PDE1A: variants seen among roughly 807,000 people sequenced by gnomAD.
The protein encoded by PDE1A is phosphodiesterase 1A, also known as dual specificity calcium/calmodulin-dependent 3',5'-cyclic nucleotide phosphodiesterase 1A.
In PDE1A, 35 loss-of-function variants were observed where a neutral mutation model predicts 61.7. The ratio of observed to expected loss-of-function variants is 0.57; its 90% CI spans 0.43 to 0.75. PDE1A has a LOEUF of 0.75. Ranked by LOEUF, PDE1A falls within the 30% of genes least tolerant of loss-of-function variation. The pLI is 0.00. For synonymous variants in PDE1A, 232 were observed against 213.2 expected (o/e 1.09, Z -0.77); for missense variants, 597 against 630.6 (o/e 0.95, Z 0.57).
At chr2:182,448,050 C>T (rs1051872666) in intron 2 of PDE1A, among the ~76,000 whole-genome samples, 1 of 151,922 alleles carries the variant, frequency 6.6e-6, no homozygotes. Flanking sequence ...TTTCCCACAT[C>T]CCAGTCATGC....
the PDE1A span, among the ~76,000 whole-genome samples, chr2:182,673,732 C>T: frequency 1.3e-5 from 2 of 151,552 alleles, no homozygotes; most frequent in African/African-American, 4.8e-5. Context: ...AAATATGTTG[C>T]TTATTCAACC....
chr2:182,246,548 C>G (rs995294407), intron 2 of PDE1A, among the ~76,000 whole-genome samples: 1 of 151,604 alleles, frequency 6.6e-6, no homozygotes, highest in Non-Finnish European at 1.5e-5. Flanking sequence ...GGATTACAGG[C>G]GTGCCACCAC....
the PDE1A span, among the ~76,000 whole-genome samples, chr2:182,533,253 G>C: frequency 0.71 from 107,255 of 151,340 alleles, 41,144 homozygotes; most frequent in East Asian, 0.99. Flanking sequence ...GGAGAGCGCA[G>C]TGAGCCAAGA....
the PDE1A span, among the ~76,000 whole-genome samples, chr2:182,582,326 G>T: frequency 2.0e-5 from 3 of 152,288 alleles, no homozygotes; most frequent in East Asian, 5.8e-4. Flanking sequence ...TTAGCAAAAA[G>T]CTTTTGAATG....
intron 13 of PDE1A, among the ~76,000 whole-genome samples, chr2:182,155,548 T>C (rs2125284044): frequency 6.6e-6 from 1 of 152,342 alleles, no homozygotes; most frequent in Non-Finnish European, 1.5e-5. Context: ...AGGAAATTGA[T>C]ATGGTTTGGC....
chr2:182,163,043 A>G (rs1691472652), downstream of PDE1A, among the ~76,000 whole-genome samples: 1 of 152,148 alleles, frequency 6.6e-6, no homozygotes, highest in Admixed American at 6.6e-5. Flanking sequence ...GCAACCATCA[A>G]GGACTTGACA....
chr2:182,343,041 T>A (rs1465878697), intron 1 of PDE1A, among the ~76,000 whole-genome samples: 1 of 152,224 alleles, frequency 6.6e-6, no homozygotes, highest in Non-Finnish European at 1.5e-5. Flanking sequence ...GCAACTATAA[T>A]TATGTTTTAT....
the PDE1A span, among the ~76,000 whole-genome samples, chr2:182,680,835 G>A: frequency 6.6e-6 from 1 of 152,218 alleles, no homozygotes. Context: ...TGCTCCTGCA[G>A]GGCAGGGCTA....
At chr2:182,390,762 T>C (rs539214582) in intron 1 of PDE1A, among the ~76,000 whole-genome samples, 2 of 152,320 alleles carry the variant, frequency 1.3e-5, no homozygotes, top group South Asian at 4.1e-4. Flanking sequence ...CAACTTGGAA[T>C]GGGGATGTGT....
At chr2:182,700,153 T>C in the PDE1A span, among the ~76,000 whole-genome samples, 1 of 152,210 alleles carries the variant, frequency 6.6e-6, no homozygotes, top group Non-Finnish European at 1.5e-5. Flanking sequence ...TAGGTCACAT[T>C]TCCCAAGAAT....
intron 2 of PDE1A, among the ~76,000 whole-genome samples, chr2:182,490,441 G>A (rs1025352796): frequency 2.0e-5 from 3 of 152,104 alleles, no homozygotes; most frequent in Non-Finnish European, 2.9e-5. Flanking sequence ...GCTGGACCTC[G>A]GCTCACTGCA....
At chr2:182,424,856 G>A (rs1227969109) in intron 1 of PDE1A, among the ~76,000 whole-genome samples, 1 of 152,144 alleles carries the variant, frequency 6.6e-6, no homozygotes, top group African/African-American at 2.4e-5. Context: ...ATCAGTCAAA[G>A]ACCCATTTCT....
the PDE1A span, among the ~76,000 whole-genome samples, chr2:182,593,415 G>C: frequency 6.6e-6 from 1 of 152,102 alleles, no homozygotes; most frequent in Non-Finnish European, 1.5e-5. Context: ...CAGAAAATTG[G>C]GAAGAGATTG....
At chr2:182,172,638 C>T (rs1287115110) in intron 13 of PDE1A, among the ~76,000 whole-genome samples, 1 of 151,818 alleles carries the variant, frequency 6.6e-6, no homozygotes, top group Non-Finnish European at 1.5e-5. Context: ...TTTGAGAACG[C>T]AAGGTAGAAT....
chr2:182,276,523 C>T (rs775693050), intron 1 of PDE1A, among the ~76,000 whole-genome samples: 6 of 151,978 alleles, frequency 3.9e-5, no homozygotes, highest in Non-Finnish European at 5.9e-5. Context: ...CTGTTATCTT[C>T]GTAATCTGAG....
chr2:182,657,411 T>C, the PDE1A span, among the ~76,000 whole-genome samples: 3 of 152,224 alleles, frequency 2.0e-5, no homozygotes, highest in Non-Finnish European at 4.4e-5. Context: ...GTGAAGATGA[T>C]GTCAGCCCTA....
upstream of PDE1A, among the ~76,000 whole-genome samples, chr2:182,428,005 A>G (rs1380336634): frequency 6.6e-6 from 1 of 152,196 alleles, no homozygotes; most frequent in Admixed American, 6.6e-5. Flanking sequence ...CTCTCCAAAT[A>G]CTTCCAGGGA....
chr2:182,568,421 G>A, the PDE1A span, among the ~76,000 whole-genome samples: 1 of 152,226 alleles, frequency 6.6e-6, no homozygotes, highest in Non-Finnish European at 1.5e-5. Flanking sequence ...GCTCACGCCT[G>A]TAATCCCAGC....
the PDE1A span, among the ~76,000 whole-genome samples, chr2:182,646,780 C>A: frequency 6.6e-6 from 1 of 151,762 alleles, no homozygotes; most frequent in Admixed American, 6.6e-5. Context: ...AGTAATATTG[C>A]TGAAGAAATT....
Sources: allele counts gnomAD v4.1 joint callset (sites outside exome capture counted in the v4.1 genomes callset), GRCh38; gene constraint gnomAD v4.1.1; transcripts MANE v1.5; gene names NCBI Gene and HGNC (gene_info 2026-07-23, HGNC 2026-07-21).